STRN: variants seen among roughly 807,000 people sequenced by gnomAD.
STRN encodes the protein protein phosphatase 2 regulatory subunit B'''alpha.
In STRN, 53 loss-of-function variants were observed where a neutral mutation model predicts 96.3. That is an observed-to-expected ratio of 0.55 (90% CI 0.44 to 0.69). The LOEUF (loss-of-function observed/expected upper bound fraction) is 0.69, where lower values mean the gene tolerates loss of function less well. Ranked by LOEUF, STRN falls within the 30% of genes least tolerant of loss-of-function variation. The pLI is 0.00. For missense variants in STRN, 987 were observed against 963.9 expected, an observed-to-expected ratio of 1.02 and a Z score of -0.32; for synonymous variants, 428 against 355.9, an observed-to-expected ratio of 1.20 and a Z score of -2.28.
At chr2:36,911,298 A>G (rs1669960163) in intron 3 of STRN, among the ~76,000 whole-genome samples, 1 of 152,194 alleles carries the variant, frequency 6.6e-6, no homozygotes. Context: ...ACTATGATAG[A>G]TGCAAACTGA....
At position 36,869,474 on chromosome 2, in the gene STRN, C is replaced by T. The variant is rs749661356; in HGVS notation, c.1499+80G>A. 2.4e-5 allele frequency: 29 copies of T among 1,226,268 alleles called. No individual in the cohort carries two copies. The South Asian group carries it at 6.4e-4, about 27-fold the overall frequency. The allele number at this position is 1,226,268 out of a possible 1,614,324, so 76.0% of individuals were successfully genotyped here. On this transcript the variant is annotated intron_variant, in intron 11 of 17. Coordinates refer to ENST00000263918, the MANE Select transcript of STRN (RefSeq NM_003162.4). Reference sequence around the variant, plus strand: ...TAGAAGAAATGTTTGGGAAATTTAACAGAAATCATAAAATATGTAGTTTTC... The same window carrying T: ...TAGAAGAAATGTTTGGGAAATTTAATAGAAATCATAAAATATGTAGTTTTC...
intron 1 of STRN, among the ~76,000 whole-genome samples, chr2:36,958,675 G>A (rs1338924589): frequency 1.3e-5 from 2 of 152,118 alleles, no homozygotes; most frequent in African/African-American, 2.4e-5. Flanking sequence ...TAATGGAGAA[G>A]CCCTAAGATC....
At chr2:36,920,212 T>C (rs1670215046) in intron 2 of STRN, among the ~76,000 whole-genome samples, 1 of 152,212 alleles carries the variant, frequency 6.6e-6, no homozygotes. Context: ...ATTTCAAATT[T>C]TCCTCAATAA....
At chr2:36,885,597 C>G (rs931773408) in intron 8 of STRN, among the ~76,000 whole-genome samples, 1 of 152,038 alleles carries the variant, frequency 6.6e-6, no homozygotes, top group African/African-American at 2.4e-5. Flanking sequence ...GGTTTAACAT[C>G]AATAACAGAC....
chr2:36,927,524 A>AG (rs3080759), intron 1 of STRN, among the ~76,000 whole-genome samples: 14,214 of 78,682 alleles, frequency 0.18, 1,766 homozygotes, highest in Admixed American at 0.21. Context: ...AACAAAAAAA[A>AG]GGGGGGGGGG....
intron 9 of STRN, among the ~76,000 whole-genome samples, chr2:36,882,199 G>A (rs1669090627): frequency 6.6e-6 from 1 of 151,084 alleles, no homozygotes; most frequent in African/African-American, 2.4e-5. Context: ...AAAAAAACAA[G>A]AAAAAAACAT....
intron 1 of STRN, among the ~76,000 whole-genome samples, chr2:36,932,041 A>C (rs1670588450): frequency 1.3e-5 from 2 of 152,316 alleles, no homozygotes; most frequent in South Asian, 4.1e-4. Context: ...GCTGGTCTCG[A>C]ACTCCTAGCC....
intron 1 of STRN, among the ~76,000 whole-genome samples, chr2:36,951,271 C>T (rs1664746834): frequency 1.3e-5 from 2 of 152,306 alleles, no homozygotes; most frequent in East Asian, 1.9e-4. Flanking sequence ...ACTACCAAAA[C>T]CCAAGTGCAA....
intron 13 of STRN, among the ~76,000 whole-genome samples, chr2:36,859,765 A>G (rs1668430950): frequency 2.0e-5 from 3 of 152,256 alleles, no homozygotes; most frequent in Non-Finnish European, 4.4e-5. Context: ...CAAAAAGCCA[A>G]TAGAATGGAC....
chr2:36,896,159 A>G (rs1669535783), intron 6 of STRN, among the ~76,000 whole-genome samples: 1 of 152,176 alleles, frequency 6.6e-6, no homozygotes, highest in Non-Finnish European at 1.5e-5. Context: ...AAAATCCATA[A>G]GAAGCATGTG....
chr2:36,916,988 T>A (rs1339184462), intron 2 of STRN, among the ~76,000 whole-genome samples: 4 of 148,666 alleles, frequency 2.7e-5, no homozygotes, highest in African/African-American at 1.0e-4. Context: ...CCATTTATAA[T>A]AAATATTCAA....
rs1473226828 is a variant in STRN, at chr2:36,848,107, G to A, written c.*1349C>T. The A allele has an allele frequency of 2.0e-5, 3 of 151,890 alleles. No homozygotes were observed. Among genetic ancestry groups the A allele is most frequent in the Non-Finnish European group, 4.4e-5 (3 of 67,880 alleles). The allele number at this position is 151,890 out of a possible 1,614,324, so 9.4% of individuals were successfully genotyped here. On this transcript the variant is annotated 3_prime_UTR_variant, in exon 18 of 18. Transcript: ENST00000263918. ...GAATCCCAAAAGGTGAACACATGTA[G>A]GTGGGTCACAGGTAAGTTGGGCTGG... is the stretch of plus-strand genomic sequence containing the variant.
intron 1 of STRN, among the ~76,000 whole-genome samples, chr2:36,956,763 C>G (rs1446499188): frequency 2.0e-5 from 3 of 152,184 alleles, no homozygotes; most frequent in Non-Finnish European, 4.4e-5. Flanking sequence ...AAGTTCAGGA[C>G]TAAATAGGCA....
intron 1 of STRN, among the ~76,000 whole-genome samples, chr2:36,955,423 CGT>C (rs1356617902): frequency 2.6e-5 from 4 of 152,178 alleles, no homozygotes; most frequent in African/African-American, 9.7e-5. Flanking sequence ...CATATGCATG[CGT>C]GTGTATCCCT....
intron 1 of STRN, among the ~76,000 whole-genome samples, chr2:36,938,471 C>T (rs964581432): frequency 4.6e-5 from 7 of 151,552 alleles, no homozygotes; most frequent in African/African-American, 1.5e-4. Context: ...GAAAGCTGAG[C>T]GTAAGGAAAC....
intron 1 of STRN, among the ~76,000 whole-genome samples, chr2:36,953,044 T>C (rs1444394806): frequency 6.6e-5 from 10 of 152,234 alleles, no homozygotes. Context: ...TTCTCATAAC[T>C]AGATATACCA....
intron 1 of STRN, among the ~76,000 whole-genome samples, chr2:36,941,135 AAC>A (rs1670836145): frequency 6.6e-6 from 1 of 152,206 alleles, no homozygotes; most frequent in Admixed American, 6.5e-5. Flanking sequence ...CAGCCTGAGC[AAC>A]AGAGGTGAGA....
At position 36,845,770 on chromosome 2, in the gene STRN, T is replaced by C. The variant is rs1308990951; in HGVS notation, c.*3686A>G. On this transcript the variant is annotated 3_prime_UTR_variant, in exon 18 of 18. Coordinates refer to ENST00000263918, the MANE Select transcript of STRN (RefSeq NM_003162.4). ...ACATTCAAAATTCTTGGAAAGTATA[T>C]ATGGTGCTCAGAAGAGCACAAAGCG... 1 of 152,048 alleles carries C rather than the reference T, an allele frequency of 6.6e-6. No individual in the cohort carries two copies. The highest frequency in any genetic ancestry group is 6.6e-5 in the Admixed American group (1 of 15,246). The allele number at this position is 152,048 out of a possible 1,614,324, so 9.4% of individuals were successfully genotyped here.
chr2:36,911,977 T>C (rs947300631), intron 3 of STRN, among the ~76,000 whole-genome samples: 4 of 152,200 alleles, frequency 2.6e-5, no homozygotes, highest in East Asian at 1.9e-4. Context: ...TCTCAGCAGA[T>C]AATCCTATCT....
Sources: gnomAD v4.1 joint callset for allele counts (sites outside exome capture counted in the v4.1 genomes callset) on GRCh38, gnomAD v4.1.1 for gene constraint, MANE v1.5 for transcripts, NCBI Gene and HGNC (gene_info 2026-07-23, HGNC 2026-07-21) for gene names.